SGMS1: variants seen among roughly 807,000 people sequenced by gnomAD.
SGMS1 encodes phosphatidylcholine:ceramide cholinephosphotransferase 1.
In SGMS1, 13 loss-of-function variants were observed where a neutral mutation model predicts 46.2. That is an observed-to-expected ratio of 0.28 (90% confidence interval 0.18 to 0.45). SGMS1 has a LOEUF of 0.45. SGMS1 is among the 20% of genes least tolerant of loss of function. SGMS1 has a pLI of 1.00. For synonymous variants in SGMS1, 203 were observed against 187.8 expected (o/e 1.08, Z -0.66); for missense variants, 324 against 519.9 (o/e 0.62, Z 3.66).
chr10:50,504,654 G>A (rs1018885158), intron 3 of SGMS1, among the ~76,000 whole-genome samples: 1 of 152,154 alleles, frequency 6.6e-6, no homozygotes, highest in East Asian at 1.9e-4. Flanking sequence ...AGCTATACTT[G>A]TAACCACTAT....
intron 6 of SGMS1, among the ~76,000 whole-genome samples, chr10:50,373,898 CA>C (rs554977414): frequency 2.2e-4 from 33 of 152,154 alleles, no homozygotes; most frequent in Non-Finnish European, 4.1e-4. Context: ...GTAGAGGAGT[CA>C]AACTATCCAC....
intron 6 of SGMS1, among the ~76,000 whole-genome samples, chr10:50,375,378 TGATGTA>T (rs1848508979): frequency 2.0e-5 from 3 of 152,068 alleles, no homozygotes. Flanking sequence ...GCATCAAACT[TGATGTA>T]GAGAGGAGGA....
intron 7 of SGMS1, among the ~76,000 whole-genome samples, chr10:50,331,144 C>T (rs564082710): frequency 6.6e-6 from 1 of 152,244 alleles, no homozygotes; most frequent in South Asian, 2.1e-4. Flanking sequence ...GACCACACTA[C>T]TAAAAAACAA....
At position 50,482,217 on chromosome 10, in the gene SGMS1, C is replaced by T. The variant is rs186138140; in HGVS notation, c.-497-15285G>A. ...GAAGATCAACCCCAAGACACATAAT[C>T]ATCAGATTCTCCAAGGTCAAAGTGA... On this transcript the variant is annotated intron_variant, in intron 3 of 10. Coordinates refer to ENST00000361781, the MANE Select transcript of SGMS1 (RefSeq NM_147156.4). 6.4e-3 allele frequency among the ~76,000 whole-genome samples: 979 copies of T among 152,204 alleles called. 8 individuals carry two copies. Among genetic ancestry groups the T allele is most frequent in the South Asian group, 0.023 (111 of 4,824 alleles).
chr10:50,523,071 G>A (rs1166275466), intron 2 of SGMS1, among the ~76,000 whole-genome samples: 1 of 152,174 alleles, frequency 6.6e-6, no homozygotes, highest in Admixed American at 6.5e-5. Context: ...GCAAATGTGA[G>A]TCCCCCTCTT....
chr10:50,590,081 C>T (rs1187069215), intron 2 of SGMS1, 72 bp downstream of exon 2: 3 of 151,334 alleles, frequency 2.0e-5, no homozygotes, highest in African/African-American at 7.3e-5. Flanking sequence ...ACTCATTGCA[C>T]GTTCTCTTAA....
chr10:50,468,973 G>A (rs1218017174), intron 3 of SGMS1, among the ~76,000 whole-genome samples: 1 of 152,176 alleles, frequency 6.6e-6, no homozygotes, highest in Non-Finnish European at 1.5e-5. Flanking sequence ...ATGTGTGTGT[G>A]TTGGGTAAAG....
At chr10:50,575,835 A>AAAAAG (rs1235915361) in intron 2 of SGMS1, among the ~76,000 whole-genome samples, 1 of 152,208 alleles carries the variant, frequency 6.6e-6, no homozygotes, top group Non-Finnish European at 1.5e-5. Context: ...CATTTCCAAT[A>AAAAAG]CCTTCTGAAA....
chr10:50,400,973 G>C lies in SGMS1; in HGVS notation c.-232+32503C>G, dbSNP rs138309977. Among the ~76,000 whole-genome samples the C allele has an allele frequency of 3.3e-5, 5 of 152,284 alleles. No homozygotes were observed. The East Asian group carries it at 9.6e-4, about 29-fold the overall frequency. On this transcript the variant is annotated intron_variant, in intron 6 of 10. Transcript: ENST00000361781. ...ATGCCTCAAGATGATGATAATTAGT[G>C]TGTGTGACCAGACCAATGGCAGAGA...
chr10:50,603,649 A>G lies in SGMS1; in HGVS notation c.-683-13402T>C, dbSNP rs535119832. Among the ~76,000 whole-genome samples the G allele has an allele frequency of 2.6e-5, 4 of 152,380 alleles. No individual in the cohort carries two copies. The South Asian group carries it at 8.3e-4, about 32-fold the overall frequency. ...ATTGAGGGGTAAAAAACTAAATTGC[A>G]CAACACACTGCAGTCATCAAAGAAA... On this transcript the variant is annotated intron_variant, in intron 1 of 10. Transcript: ENST00000361781.
chr10:50,343,254 T>C lies in SGMS1; in HGVS notation c.623+238A>G, dbSNP rs987944200. 7.4e-5 allele frequency: 31 copies of C among 416,474 alleles called. No individual in the cohort carries two copies. In the East Asian group the frequency reaches 1.2e-3, roughly 17 times the overall value. 25.8% of individuals were successfully genotyped at this position (416,474 alleles called of 1,614,324 possible). A position where few individuals can be genotyped will look rare whatever the true frequency, so the allele number is the denominator to read the frequency against. ...CTTATTAAGTGAAAACAGAGCATCA[T>C]CTCTAACCATCTTATTCATCATCCT... On this transcript the variant is annotated intron_variant, in intron 7 of 10. Transcript: ENST00000361781.
At chr10:50,407,883 AT>A (rs141712242) in intron 6 of SGMS1, among the ~76,000 whole-genome samples, 4 of 151,884 alleles carry the variant, frequency 2.6e-5, no homozygotes, top group Non-Finnish European at 5.9e-5. Flanking sequence ...CTTAATATCT[AT>A]TTTTTTTAAG....
At chr10:50,446,002 T>A (rs894116166) in intron 5 of SGMS1, among the ~76,000 whole-genome samples, 1 of 152,076 alleles carries the variant, frequency 6.6e-6, no homozygotes, top group African/African-American at 2.4e-5. Flanking sequence ...TAAGCCCCCA[T>A]CTCCCCTAGT....
At chr10:50,625,139 T>C, upstream of SGMS1, 1 of 883,578 alleles carries the variant, frequency 1.1e-6, no homozygotes, top group Non-Finnish European at 1.4e-6. Context: ...AGAGGACAGG[T>C]TCTCGCCCGG....
intron 2 of SGMS1, among the ~76,000 whole-genome samples, chr10:50,562,958 A>T (rs918334301): frequency 6.6e-6 from 1 of 152,150 alleles, no homozygotes; most frequent in Non-Finnish European, 1.5e-5. Flanking sequence ...CGATCTGGTC[A>T]CTGTTTTGGT....
chr10:50,344,002 T>C lies in SGMS1; in HGVS notation c.113A>G (p.Asn38Ser), dbSNP rs1336627460. ...TTTTTTGAAATCCTCTTGGGTTAGGTTGATCAAGTCCTGGCCTGTGAAATG... is the reference window on the plus strand; with the variant it reads ...TTTTTTGAAATCCTCTTGGGTTAGGCTGATCAAGTCCTGGCCTGTGAAATG... ...LEHFTGQDLI[N>S]LTQEDFKKPP... The change falls in exon 7 of 11, where the codon AAC (asparagine) becomes AGC (serine). Residue 38 changes from asparagine (N) to serine (S), a missense_variant. Coordinates refer to ENST00000361781, the MANE Select transcript of SGMS1 (RefSeq NM_147156.4). The C allele has an allele frequency of 1.9e-6, 3 of 1,614,122 alleles. No individual in the cohort carries two copies. The highest frequency in any genetic ancestry group is 1.7e-4 in the Middle Eastern group (1 of 6,056).
chr10:50,625,025 C>T, upstream of SGMS1: 1 of 1,005,296 alleles, frequency 9.9e-7, no homozygotes, highest in Non-Finnish European at 1.2e-6. Flanking sequence ...TCCCCCGCCA[C>T]GCCCTCCCAT....
intron 2 of SGMS1, 59 bp downstream of exon 2, chr10:50,590,094 C>G (rs954253038): frequency 6.6e-6 from 1 of 152,322 alleles, no homozygotes; most frequent in Non-Finnish European, 1.5e-5. Flanking sequence ...TCTCTTAACT[C>G]TCTTCAGTAT....
At chr10:50,445,032 A>G (rs1380328965) in intron 5 of SGMS1, among the ~76,000 whole-genome samples, 7 of 152,342 alleles carry the variant, frequency 4.6e-5, no homozygotes, top group Non-Finnish European at 8.8e-5. Context: ...ACACAACCCA[A>G]TTGTTAAAAT....
Sources: allele counts gnomAD v4.1 joint callset (sites outside exome capture counted in the v4.1 genomes callset), GRCh38; gene constraint gnomAD v4.1.1; transcripts MANE v1.5; gene names NCBI Gene and HGNC (gene_info 2026-07-23, HGNC 2026-07-21).